Variants in TSHZ2 observed in about 807,000 individuals in gnomAD.
TSHZ2 encodes the protein teashirt zinc finger homeobox 2.
A neutral mutation model predicts 74.4 loss-of-function variants in TSHZ2; 21 were observed. The observed-to-expected ratio is 0.28, with a 90% CI of 0.20 to 0.41. The LOEUF (loss-of-function observed/expected upper bound fraction) is 0.41. TSHZ2 is among the 10% of genes least tolerant of loss of function. The probability of loss-of-function intolerance (pLI) is 1.00; values close to 1 mark genes in which losing one functional copy is unlikely to be tolerated. For missense variants in TSHZ2, 1,244 were observed against 1,293.5 expected, an observed-to-expected ratio of 0.96 and a Z score of 0.59; for synonymous variants, 540 against 515.3, an observed-to-expected ratio of 1.05 and a Z score of -0.65.
chr20:53,153,252 G>A (rs988856176), intron 1 of TSHZ2, among the ~76,000 whole-genome samples: 3 of 152,136 alleles, frequency 2.0e-5, no homozygotes, highest in African/African-American at 7.2e-5. Flanking sequence ...CCCCAGCCTG[G>A]GATTCTATCA....
chr20:53,022,216 A>G (rs1389087338), intron 1 of TSHZ2, among the ~76,000 whole-genome samples: 1 of 152,200 alleles, frequency 6.6e-6, no homozygotes, highest in Non-Finnish European at 1.5e-5. Flanking sequence ...AAGAAAAACT[A>G]TTTCCTAGCA....
intron 1 of TSHZ2, among the ~76,000 whole-genome samples, chr20:53,087,354 C>T (rs1453408577): frequency 6.6e-6 from 1 of 152,178 alleles, no homozygotes. Context: ...CACAGTTGGT[C>T]AGCTCACACA....
intron 1 of TSHZ2, among the ~76,000 whole-genome samples, chr20:53,107,414 A>G (rs1348775533): frequency 1.3e-5 from 2 of 152,182 alleles, no homozygotes; most frequent in East Asian, 3.9e-4. Context: ...TGAAAAAAGC[A>G]TCTGTCACGT....
intron 1 of TSHZ2, among the ~76,000 whole-genome samples, chr20:53,230,883 CA>C (rs958998655): frequency 1.4e-4 from 20 of 140,180 alleles, no homozygotes; most frequent in Admixed American, 3.6e-4. Flanking sequence ...GACTCCATCT[CA>C]AAAAAAAAAG....
intron 2 of TSHZ2, among the ~76,000 whole-genome samples, chr20:53,435,689 AT>A (rs1984028695): frequency 6.6e-6 from 1 of 151,998 alleles, no homozygotes; most frequent in Admixed American, 6.6e-5. Context: ...AATTTTTTGT[AT>A]TTTTAGTAGA....
intron 2 of TSHZ2, among the ~76,000 whole-genome samples, chr20:53,298,865 T>A (rs1991429492): frequency 6.6e-6 from 1 of 152,246 alleles, no homozygotes; most frequent in African/African-American, 2.4e-5. Flanking sequence ...ACACACCTGA[T>A]AACTGTGCAA....
intron 1 of TSHZ2, among the ~76,000 whole-genome samples, chr20:53,012,670 A>G (rs1172167255): frequency 1.3e-5 from 2 of 152,130 alleles, no homozygotes; most frequent in Non-Finnish European, 2.9e-5. Context: ...CCACACACAC[A>G]CACACATGCA....
chr20:53,085,418 T>C (rs1439943683), intron 1 of TSHZ2, among the ~76,000 whole-genome samples: 3 of 152,092 alleles, frequency 2.0e-5, no homozygotes, highest in Non-Finnish European at 4.4e-5. Context: ...TATTTCACTT[T>C]AGGTAGAACT....
At chr20:53,248,085 T>C (rs927117025) in intron 1 of TSHZ2, among the ~76,000 whole-genome samples, 3 of 152,186 alleles carry the variant, frequency 2.0e-5, no homozygotes, top group Admixed American at 6.5e-5. Context: ...GTTGTTGTTT[T>C]TTTGGGACAG....
At chr20:53,005,255 G>A (rs187800781) in intron 1 of TSHZ2, among the ~76,000 whole-genome samples, 16 of 152,286 alleles carry the variant, frequency 1.1e-4, no homozygotes, top group Admixed American at 2.6e-4. Flanking sequence ...AGAGATTGCC[G>A]TGAGCCAAGA....
At chr20:53,202,523 C>T (rs946875660) in intron 1 of TSHZ2, among the ~76,000 whole-genome samples, 8 of 152,006 alleles carry the variant, frequency 5.3e-5, no homozygotes, top group Non-Finnish European at 1.0e-4. Context: ...CCACTGAGCT[C>T]GGTGCTTTAT....
chr20:53,126,846 G>A (rs1336798040), intron 1 of TSHZ2, among the ~76,000 whole-genome samples: 2 of 152,194 alleles, frequency 1.3e-5, no homozygotes, highest in African/African-American at 4.8e-5. Flanking sequence ...TGTAGATAGT[G>A]GAGGCTGAAA....
chr20:53,391,773 T>C (rs1982268336), intron 2 of TSHZ2, among the ~76,000 whole-genome samples: 2 of 152,106 alleles, frequency 1.3e-5, no homozygotes. Context: ...CGAAACCCTG[T>C]CTCTACTAAA....
At chr20:53,151,152 A>G (rs970816728) in intron 1 of TSHZ2, among the ~76,000 whole-genome samples, 4 of 151,998 alleles carry the variant, frequency 2.6e-5, no homozygotes, top group Admixed American at 6.6e-5. Flanking sequence ...TTCTATCACT[A>G]TTTTTCTCCC....
At chr20:53,311,066 G>T (rs919658289) in intron 2 of TSHZ2, among the ~76,000 whole-genome samples, 1 of 152,180 alleles carries the variant, frequency 6.6e-6, no homozygotes, top group Non-Finnish European at 1.5e-5. Flanking sequence ...CTGATGTGCT[G>T]TAAAGCAAGG....
chr20:53,442,201 G>T (rs1442864906), intron 2 of TSHZ2, among the ~76,000 whole-genome samples: 3 of 152,156 alleles, frequency 2.0e-5, no homozygotes, highest in African/African-American at 7.2e-5. Context: ...TGTGTGTAAA[G>T]GAGACAGTTC....
intron 2 of TSHZ2, among the ~76,000 whole-genome samples, chr20:53,455,717 C>A (rs1365102433): frequency 6.6e-6 from 1 of 151,356 alleles, no homozygotes; most frequent in South Asian, 2.1e-4. Flanking sequence ...TCCCCCGCCC[C>A]ACCCCACAAC....
chr20:53,080,517 C>T (rs1330636733), intron 1 of TSHZ2, among the ~76,000 whole-genome samples: 6 of 152,156 alleles, frequency 3.9e-5, no homozygotes, highest in South Asian at 2.1e-4. Flanking sequence ...CAATTTTCCA[C>T]GGACAAAGGT....
chr20:53,298,690 C>T (rs537064521), intron 2 of TSHZ2, among the ~76,000 whole-genome samples: 1 of 152,254 alleles, frequency 6.6e-6, no homozygotes, highest in South Asian at 2.1e-4. Flanking sequence ...GGCGGGTAAA[C>T]CCAGGAGTGG....
Sources: allele counts gnomAD v4.1 joint callset (sites outside exome capture counted in the v4.1 genomes callset), GRCh38; gene constraint gnomAD v4.1.1; transcripts MANE v1.5; gene names NCBI Gene and HGNC (gene_info 2026-07-23, HGNC 2026-07-21).